NEGR1: variants seen among roughly 807,000 people sequenced by gnomAD.
NEGR1 encodes the protein neuronal growth regulator 1.
A neutral mutation model predicts 40.9 loss-of-function variants in NEGR1; 10 were observed. The observed-to-expected ratio is 0.24, with a 90% CI of 0.15 to 0.42. The LOEUF (loss-of-function observed/expected upper bound fraction) is 0.42. Among genes scored for constraint, NEGR1 ranks in the 10% least tolerant of loss-of-function variants. The pLI is 1.00. For synonymous variants in NEGR1, 185 were observed against 166.8 expected (o/e 1.11, Z -0.84); for missense variants, 352 against 438.9 (o/e 0.80, Z 1.77).
At chr1:72,048,899 A>C (rs991793394) in intron 1 of NEGR1, among the ~76,000 whole-genome samples, 16 of 151,618 alleles carry the variant, frequency 1.1e-4, no homozygotes, top group African/African-American at 3.9e-4. Context: ...CCACTGGCCC[A>C]AAATCATATG....
chr1:72,135,375 C>CAAAAAAAAAAAAACAAAAAAAAAA (rs1650414741), intron 1 of NEGR1, among the ~76,000 whole-genome samples: 3 of 71,380 alleles, frequency 4.2e-5, no homozygotes, highest in African/African-American at 5.3e-5. Context: ...GACTCCGTCT[C>CAAAAAAAAAAAAACAAAAAAAAAA]AAAAAAAAAA....
chr1:72,046,708 C>G (rs12039861), intron 1 of NEGR1, among the ~76,000 whole-genome samples: 1 of 151,484 alleles, frequency 6.6e-6, no homozygotes, highest in Non-Finnish European at 1.5e-5. Context: ...AGAATTTTCA[C>G]TGAGTTCTAG....
Position 71,646,461 on chromosome 1 carries a change from T to C in NEGR1, c.668-35315A>G, listed in dbSNP as rs1021828264. Among the ~76,000 whole-genome samples the C allele has an allele frequency of 3.3e-5, 5 of 151,922 alleles. No homozygotes were observed. In the South Asian group the frequency reaches 8.3e-4, roughly 25 times the overall value. ...CTGCCAGAAATATCAAGAAATTAAT[T>C]GATTATTTTTTCCTGAAAATTATAG... On this transcript the variant is annotated intron_variant, in intron 4 of 6. Transcript: ENST00000357731.
intron 3 of NEGR1, among the ~76,000 whole-genome samples, chr1:71,708,058 G>C (rs538747982): frequency 2.4e-4 from 37 of 151,844 alleles, no homozygotes; most frequent in Non-Finnish European, 4.6e-4. Flanking sequence ...GACAATGAAG[G>C]CTACAATAAA....
intron 4 of NEGR1, among the ~76,000 whole-genome samples, chr1:71,656,556 G>C (rs1021183419): frequency 1.3e-5 from 2 of 152,106 alleles, no homozygotes; most frequent in African/African-American, 4.8e-5. Flanking sequence ...GGGATTACAG[G>C]CGCCCGCCAC....
intron 4 of NEGR1, among the ~76,000 whole-genome samples, chr1:71,612,179 G>C (rs566273847): frequency 7.9e-4 from 121 of 152,308 alleles, no homozygotes; most frequent in African/African-American, 2.8e-3. Context: ...CCGAGATTGT[G>C]CCACTGCACT....
chr1:71,644,194 C>T (rs1413903311), intron 4 of NEGR1, among the ~76,000 whole-genome samples: 2 of 151,832 alleles, frequency 1.3e-5, no homozygotes, highest in South Asian at 4.1e-4. Flanking sequence ...ATTTGAGTTC[C>T]TCTCTAGCCA....
chr1:72,268,334 A>G (rs553242543), intron 1 of NEGR1, among the ~76,000 whole-genome samples: 1 of 151,580 alleles, frequency 6.6e-6, no homozygotes, highest in East Asian at 1.9e-4. Context: ...AGCTCTCAGT[A>G]TTTCCATTTT....
intron 1 of NEGR1, among the ~76,000 whole-genome samples, chr1:72,127,463 CAA>C (rs56301492): frequency 2.3e-4 from 9 of 39,300 alleles, no homozygotes; most frequent in Admixed American, 5.5e-4. Flanking sequence ...GGCTCTGTCT[CAA>C]AAAAAAAAAA....
At chr1:72,145,683 T>G (rs1650879475) in intron 1 of NEGR1, among the ~76,000 whole-genome samples, 1 of 152,092 alleles carries the variant, frequency 6.6e-6, no homozygotes, top group Admixed American at 6.6e-5. Flanking sequence ...ACAGTTGATA[T>G]CCTAGGATAA....
chr1:72,176,539 A>T (rs1183112249), intron 1 of NEGR1, among the ~76,000 whole-genome samples: 1 of 152,216 alleles, frequency 6.6e-6, no homozygotes, highest in African/African-American at 2.4e-5. Flanking sequence ...TGTCACACTC[A>T]CTGATCTAAT....
intron 1 of NEGR1, among the ~76,000 whole-genome samples, chr1:71,965,161 C>T (rs190846739): frequency 3.9e-5 from 6 of 152,172 alleles, no homozygotes; most frequent in East Asian, 1.9e-4. Flanking sequence ...ACCACTTTTG[C>T]GCTTTTACAA....
At chr1:71,944,239 A>T (rs1485391185) in intron 1 of NEGR1, among the ~76,000 whole-genome samples, 1 of 152,162 alleles carries the variant, frequency 6.6e-6, no homozygotes, top group African/African-American at 2.4e-5. Flanking sequence ...CTTTCACCTC[A>T]GGAGATACAA....
intron 3 of NEGR1, among the ~76,000 whole-genome samples, chr1:71,741,029 T>G (rs1655196247): frequency 6.6e-6 from 1 of 152,184 alleles, no homozygotes; most frequent in African/African-American, 2.4e-5. Context: ...GGAATGAGTT[T>G]AGTCACCAAA....
At chr1:72,234,386 C>T (rs577954105) in intron 1 of NEGR1, among the ~76,000 whole-genome samples, 1 of 152,034 alleles carries the variant, frequency 6.6e-6, no homozygotes, top group African/African-American at 2.4e-5. Context: ...TGAGCAGATG[C>T]CAAAAGCAAT....
At chr1:71,559,391 C>T (rs1044576840) in intron 6 of NEGR1, among the ~76,000 whole-genome samples, 7 of 151,486 alleles carry the variant, frequency 4.6e-5, no homozygotes, top group African/African-American at 1.7e-4. Flanking sequence ...TCTTCCTCAT[C>T]TGTTTCAGTA....
At chr1:71,779,001 C>T (rs1311209329) in intron 2 of NEGR1, among the ~76,000 whole-genome samples, 2 of 152,032 alleles carry the variant, frequency 1.3e-5, no homozygotes, top group Non-Finnish European at 2.9e-5. Context: ...ATGTCATTCT[C>T]AGTGATTGCA....
At chr1:71,955,180 A>G (rs760327092) in intron 1 of NEGR1, among the ~76,000 whole-genome samples, 1 of 152,138 alleles carries the variant, frequency 6.6e-6, no homozygotes, top group Non-Finnish European at 1.5e-5. Context: ...TTGTGCTAGT[A>G]TGTTACACGG....
intron 1 of NEGR1, among the ~76,000 whole-genome samples, chr1:72,218,412 T>C (rs1557583786): frequency 6.6e-6 from 1 of 151,990 alleles, no homozygotes; most frequent in Non-Finnish European, 1.5e-5. Flanking sequence ...ATAAGCTCAA[T>C]AAAATTATTT....
Sources: gnomAD v4.1 joint callset for allele counts (sites outside exome capture counted in the v4.1 genomes callset) on GRCh38, gnomAD v4.1.1 for gene constraint, MANE v1.5 for transcripts, NCBI Gene and HGNC (gene_info 2026-07-23, HGNC 2026-07-21) for gene names.